Variants in MTHFD1L observed in about 807,000 individuals in gnomAD.
The protein encoded by MTHFD1L is methylenetetrahydrofolate dehydrogenase (NADP+ dependent) 1 like.
MTHFD1L carries 81 observed loss-of-function variants against 119.5 expected under a neutral mutation model. That is an observed-to-expected ratio of 0.68 (90% CI 0.57 to 0.82). The LOEUF is 0.82. Ranked by LOEUF, MTHFD1L falls within the 40% of genes least tolerant of loss-of-function variation. The probability of loss-of-function intolerance (pLI) is 0.00; values close to 1 mark genes in which losing one functional copy is unlikely to be tolerated. For synonymous variants in MTHFD1L, 430 were observed against 475.2 expected (o/e 0.90, Z 1.24); for missense variants, 1,125 against 1,253.4 (o/e 0.90, Z 1.55).
intron 24 of MTHFD1L, among the ~76,000 whole-genome samples, chr6:151,021,494 G>T (rs1783939948): frequency 6.6e-6 from 1 of 152,194 alleles, no homozygotes; most frequent in Non-Finnish European, 1.5e-5. Context: ...GTTGCAGTGA[G>T]CTGAGATCAC....
intron 24 of MTHFD1L, among the ~76,000 whole-genome samples, chr6:151,017,927 C>T (rs986570490): frequency 2.0e-5 from 3 of 151,022 alleles, no homozygotes; most frequent in East Asian, 2.0e-4. Flanking sequence ...CTCCGCCTCC[C>T]GGGTTCATGC....
intron 26 of MTHFD1L, among the ~76,000 whole-genome samples, chr6:151,064,320 A>T (rs1790982806): frequency 6.6e-6 from 1 of 151,930 alleles, no homozygotes; most frequent in Non-Finnish European, 1.5e-5. Flanking sequence ...AATTATTATT[A>T]TTATTATTAT....
intron 20 of MTHFD1L, among the ~76,000 whole-genome samples, chr6:150,988,694 C>T (rs1330974223): frequency 3.3e-5 from 5 of 152,210 alleles, no homozygotes. Context: ...ACAACCTCCT[C>T]CTCCCAGGTT....
rs143181110 is a variant in MTHFD1L at position 150,915,884 on chromosome 6, G to A, written c.893-2693G>A. Among the ~76,000 whole-genome samples the A allele has an allele frequency of 1.1e-4, 16 of 152,286 alleles. No homozygotes were observed. In the East Asian group the frequency reaches 1.5e-3, roughly 15 times the overall value. On this transcript the variant is annotated intron_variant, in intron 8 of 27. Transcript: ENST00000367321. The stretch of plus-strand genomic sequence containing the variant: ...CTCCCAAAGTGCTGGGATTACAGGC[G>A]TGAGCCACCGCACCCGGATGCTTTT...
At chr6:150,912,561 G>C in intron 8 of MTHFD1L, 1 of 328,116 alleles carries the variant, frequency 3.0e-6, no homozygotes, top group Admixed American at 3.4e-5. Context: ...TGATTGTTCT[G>C]GCAAAGTTCC....
intron 24 of MTHFD1L, among the ~76,000 whole-genome samples, chr6:151,026,021 T>C (rs1223563567): frequency 6.6e-6 from 1 of 152,236 alleles, no homozygotes; most frequent in Non-Finnish European, 1.5e-5. Context: ...TTTTATTTTG[T>C]CCATTTTTTG....
At chr6:150,913,387 G>A (rs1046032201) in intron 8 of MTHFD1L, among the ~76,000 whole-genome samples, 2 of 151,766 alleles carry the variant, frequency 1.3e-5, no homozygotes, top group East Asian at 1.9e-4. Context: ...GGATGGTCTC[G>A]ATCTCCTGAC....
chr6:150,980,456 A>T (rs1777287529), intron 20 of MTHFD1L, among the ~76,000 whole-genome samples: 1 of 152,166 alleles, frequency 6.6e-6, no homozygotes, highest in South Asian at 2.1e-4. Context: ...AAAAAGCAAA[A>T]TGTTCTTCAT....
chr6:150,934,870 G>A (rs1383458644), intron 11 of MTHFD1L: 2 of 1,427,282 alleles, frequency 1.4e-6, no homozygotes, highest in East Asian at 2.3e-5. Context: ...CCAAACTCCA[G>A]ATCGGGAGCA....
At chr6:150,959,689 A>C (rs957857532) in intron 17 of MTHFD1L, among the ~76,000 whole-genome samples, 13 of 152,202 alleles carry the variant, frequency 8.5e-5, no homozygotes, top group African/African-American at 1.2e-4. Flanking sequence ...CCTCACATGC[A>C]GGAAGCCAGC....
At chr6:151,101,110 G>T (rs1453986866) in intron 27 of MTHFD1L, among the ~76,000 whole-genome samples, 1 of 152,130 alleles carries the variant, frequency 6.6e-6, no homozygotes, top group Admixed American at 6.5e-5. Flanking sequence ...AGTGAGCCGA[G>T]ATCTCGCCAC....
intron 20 of MTHFD1L, among the ~76,000 whole-genome samples, chr6:150,996,240 C>T (rs1383680009): frequency 1.3e-5 from 2 of 152,150 alleles, no homozygotes; most frequent in Non-Finnish European, 2.9e-5. Flanking sequence ...TGTCTCCATG[C>T]CCCAAAATGG....
At chr6:150,972,753 G>A (rs749115373) in intron 20 of MTHFD1L, among the ~76,000 whole-genome samples, 1 of 152,226 alleles carries the variant, frequency 6.6e-6, no homozygotes, top group Non-Finnish European at 1.5e-5. Context: ...ACTTGAAGTC[G>A]TGGGTTTATT....
intron 26 of MTHFD1L, among the ~76,000 whole-genome samples, chr6:151,063,733 C>T (rs1790898798): frequency 6.6e-6 from 1 of 152,118 alleles, no homozygotes; most frequent in Admixed American, 6.6e-5. Flanking sequence ...GTATTTTAGA[C>T]TGTTAAGGGA....
At chr6:151,061,005 A>G (rs767614865) in intron 26 of MTHFD1L, among the ~76,000 whole-genome samples, 2 of 152,200 alleles carry the variant, frequency 1.3e-5, no homozygotes, top group Non-Finnish European at 2.9e-5. Flanking sequence ...TTACCGAACT[A>G]GAATGAACTA....
chr6:150,994,016 G>C (rs1287425311), intron 20 of MTHFD1L, among the ~76,000 whole-genome samples: 3 of 140,962 alleles, frequency 2.1e-5, no homozygotes, highest in Non-Finnish European at 4.5e-5. Context: ...CTCTGTATTT[G>C]CAAATGAGTC....
chr6:150,937,066 C>T, intron 12 of MTHFD1L, 126 bp downstream of exon 12: 1 of 1,194,184 alleles, frequency 8.4e-7, no homozygotes, highest in African/African-American at 1.5e-5. Context: ...CTTCACTGCA[C>T]ACTCAGTACA....
intron 26 of MTHFD1L, among the ~76,000 whole-genome samples, chr6:151,071,819 G>A (rs1198789592): frequency 6.8e-6 from 1 of 147,164 alleles, no homozygotes; most frequent in Non-Finnish European, 1.5e-5. Flanking sequence ...TAAATATTAA[G>A]CAACATTGTA....
chr6:151,062,818 A>T (rs895591334), intron 26 of MTHFD1L, among the ~76,000 whole-genome samples: 1 of 125,590 alleles, frequency 8.0e-6, no homozygotes, highest in African/African-American at 3.0e-5. Context: ...ATAGAAGGAT[A>T]CAAGACAGCC....
Sources: gnomAD v4.1 joint callset for allele counts (sites outside exome capture counted in the v4.1 genomes callset) on GRCh38, gnomAD v4.1.1 for gene constraint, MANE v1.5 for transcripts, NCBI Gene and HGNC (gene_info 2026-07-23, HGNC 2026-07-21) for gene names.